The following CACNA2D3 variants were observed in gnomAD, a reference collection of about 807,000 sequenced individuals.
CACNA2D3 encodes the protein calcium voltage-gated channel auxiliary subunit alpha2delta 3, also known as voltage-dependent calcium channel subunit alpha-2/delta-3.
CACNA2D3 carries 60 observed loss-of-function variants against 160.6 expected under a neutral mutation model. The observed-to-expected ratio is 0.37, with a 90% CI of 0.30 to 0.46. The LOEUF (loss-of-function observed/expected upper bound fraction) is 0.46, where lower values mean the gene tolerates loss of function less well. Ranked by LOEUF, CACNA2D3 falls within the 20% of genes least tolerant of loss-of-function variation. CACNA2D3 has a pLI of 1.00. For missense variants in CACNA2D3, 1,205 were observed against 1,365.0 expected (o/e 0.88, Z 1.85); for synonymous variants, 558 against 492.9 (o/e 1.13, Z -1.75).
chr3:54,996,182 T>A (rs1235128874), intron 31 of CACNA2D3, among the ~76,000 whole-genome samples: 9 of 152,268 alleles, frequency 5.9e-5, no homozygotes, highest in African/African-American at 2.2e-4. Flanking sequence ...AATATGGACC[T>A]GGCTTCACGA....
intron 11 of CACNA2D3, among the ~76,000 whole-genome samples, chr3:54,737,471 G>A (rs1701557346): frequency 6.6e-6 from 1 of 152,124 alleles, no homozygotes; most frequent in African/African-American, 2.4e-5. Context: ...CCTGTGACAG[G>A]AAAGAACTTC....
chr3:54,542,910 G>T (rs1018358392), intron 5 of CACNA2D3, among the ~76,000 whole-genome samples: 2 of 152,078 alleles, frequency 1.3e-5, no homozygotes, highest in Non-Finnish European at 2.9e-5. Context: ...ATTTCTATTT[G>T]TTTATAGGAA....
chr3:54,122,969 T>C, intron 1 of CACNA2D3, 134 bp downstream of exon 1: 4 of 826,448 alleles, frequency 4.8e-6, no homozygotes, highest in Non-Finnish European at 6.3e-6. Flanking sequence ...CGCACCTGCC[T>C]TTCGGGACCC....
intron 12 of CACNA2D3, among the ~76,000 whole-genome samples, chr3:54,763,780 CAT>C (rs1553838651): frequency 5.8e-4 from 15 of 25,730 alleles, no homozygotes; most frequent in African/African-American, 1.4e-3. Context: ...TATATATGTA[CAT>C]ATATATGTAT....
intron 2 of CACNA2D3, among the ~76,000 whole-genome samples, chr3:54,284,494 A>C (rs1342716464): frequency 2.0e-5 from 3 of 152,106 alleles, no homozygotes; most frequent in Non-Finnish European, 4.4e-5. Context: ...TGGGAACTCT[A>C]TTCCCTTTAC....
chr3:54,393,259 C>T (rs987353940), intron 4 of CACNA2D3, among the ~76,000 whole-genome samples: 3 of 152,208 alleles, frequency 2.0e-5, no homozygotes, highest in Admixed American at 6.5e-5. Flanking sequence ...GGACTCCTAC[C>T]GACCTCACAG....
chr3:54,570,573 A>G (rs532643130), intron 8 of CACNA2D3, among the ~76,000 whole-genome samples: 1 of 152,270 alleles, frequency 6.6e-6, no homozygotes, highest in Non-Finnish European at 1.5e-5. Context: ...CTCACAGAAC[A>G]CTTTATTTCA....
At chr3:54,372,650 ATTTC>A (rs1698945960) in intron 3 of CACNA2D3, among the ~76,000 whole-genome samples, 1 of 152,196 alleles carries the variant, frequency 6.6e-6, no homozygotes, top group African/African-American at 2.4e-5. Context: ...ACATCTGCTT[ATTTC>A]TTTGTTATTT....
At chr3:54,247,573 T>A (rs1702105491) in intron 2 of CACNA2D3, among the ~76,000 whole-genome samples, 1 of 151,856 alleles carries the variant, frequency 6.6e-6, no homozygotes. Flanking sequence ...TTAGGAACAT[T>A]GTAAATATAA....
At chr3:54,870,967 T>C (rs191545085) in intron 17 of CACNA2D3, among the ~76,000 whole-genome samples, 23 of 151,954 alleles carry the variant, frequency 1.5e-4, no homozygotes, top group African/African-American at 5.6e-4. Flanking sequence ...TATAGGGGGA[T>C]ATGACTAGAT....
intron 2 of CACNA2D3, among the ~76,000 whole-genome samples, chr3:54,202,390 A>T (rs4927989): frequency 2.4e-4 from 37 of 152,366 alleles, no homozygotes; most frequent in Admixed American, 2.4e-3. Flanking sequence ...TTAGACTGGA[A>T]GAATCCAGCC....
intron 11 of CACNA2D3, among the ~76,000 whole-genome samples, chr3:54,663,494 C>G (rs1700007506): frequency 6.6e-6 from 1 of 152,176 alleles, no homozygotes; most frequent in Non-Finnish European, 1.5e-5. Flanking sequence ...GTGTGAAACC[C>G]TTCCTGGTTT....
intron 13 of CACNA2D3, among the ~76,000 whole-genome samples, chr3:54,809,329 T>TTTTTTTTTTTTTTTTTTTTTTTTTTTTG (rs71619812): frequency 8.1e-6 from 1 of 123,880 alleles, no homozygotes; most frequent in Admixed American, 8.0e-5. Context: ...TTTTTTTTTT[T>TTTTTTTTTTTTTTTTTTTTTTTTTTTTG]GAGACGGAGT....
chr3:54,459,604 C>T (rs1174967843), intron 4 of CACNA2D3, among the ~76,000 whole-genome samples: 1 of 152,102 alleles, frequency 6.6e-6, no homozygotes, highest in Non-Finnish European at 1.5e-5. Context: ...CCTTCGCCCA[C>T]TTTCTGATGG....
At chr3:54,492,012 C>T (rs1701118558) in intron 4 of CACNA2D3, among the ~76,000 whole-genome samples, 1 of 152,138 alleles carries the variant, frequency 6.6e-6, no homozygotes, top group Non-Finnish European at 1.5e-5. Context: ...AGCCTTTTTG[C>T]TGTCTAGGAG....
intron 9 of CACNA2D3, among the ~76,000 whole-genome samples, chr3:54,616,477 C>A (rs1698852730): frequency 6.6e-6 from 1 of 152,184 alleles, no homozygotes; most frequent in Non-Finnish European, 1.5e-5. Flanking sequence ...ACAACCTAAT[C>A]TTGCAGGTGG....
At chr3:54,957,553 G>A (rs906046014) in intron 27 of CACNA2D3, among the ~76,000 whole-genome samples, 4 of 152,202 alleles carry the variant, frequency 2.6e-5, no homozygotes, top group Non-Finnish European at 5.9e-5. Context: ...GCCAAAGCAT[G>A]TTCAAACTTA....
chr3:54,883,029 G>T (rs2694110), intron 21 of CACNA2D3, among the ~76,000 whole-genome samples: 89,596 of 151,804 alleles, frequency 0.59, 26,754 homozygotes, highest in East Asian at 0.8. Context: ...GTATCTTTTT[G>T]TGTGTGTGTG....
intron 17 of CACNA2D3, among the ~76,000 whole-genome samples, chr3:54,868,416 C>A (rs1307068918): frequency 6.6e-6 from 1 of 152,130 alleles, no homozygotes; most frequent in Non-Finnish European, 1.5e-5. Flanking sequence ...AATATGGTGG[C>A]TCATGGGCTA....
Sources: gnomAD v4.1 joint callset for allele counts (sites outside exome capture counted in the v4.1 genomes callset) on GRCh38, gnomAD v4.1.1 for gene constraint, MANE v1.5 for transcripts, NCBI Gene and HGNC (gene_info 2026-07-23, HGNC 2026-07-21) for gene names.